Variants in KCNN2 observed in about 807,000 individuals in gnomAD.
The protein encoded by KCNN2 is small conductance calcium-activated potassium channel protein 2.
A neutral mutation model predicts 55.5 loss-of-function variants in KCNN2; 24 were observed. The observed-to-expected ratio is 0.43, with a 90% CI of 0.31 to 0.61. The LOEUF (loss-of-function observed/expected upper bound fraction) is 0.61. Ranked by LOEUF, KCNN2 falls within the 20% of genes least tolerant of loss-of-function variation. The pLI, the probability that KCNN2 is intolerant of heterozygous loss-of-function variation, is 0.08. For synonymous variants in KCNN2, 431 were observed against 336.1 expected, an observed-to-expected ratio of 1.28 and a Z score of -3.09; for missense variants, 754 against 853.6, an observed-to-expected ratio of 0.88 and a Z score of 1.45.
intron 2 of KCNN2, among the ~76,000 whole-genome samples, chr5:114,260,703 T>G (rs549635390): frequency 1.3e-5 from 2 of 152,352 alleles, no homozygotes; most frequent in Admixed American, 6.5e-5. Context: ...TCTCTTTTTC[T>G]GAGAACAATT....
chr5:114,292,034 G>T (rs1413017440), intron 2 of KCNN2, among the ~76,000 whole-genome samples: 1 of 148,490 alleles, frequency 6.7e-6, no homozygotes, highest in Admixed American at 6.6e-5. Flanking sequence ...TTTTTGATGG[G>T]GTTGTTTGTT....
chr5:114,318,207 A>G (rs553541727), intron 2 of KCNN2, among the ~76,000 whole-genome samples: 1 of 152,288 alleles, frequency 6.6e-6, no homozygotes, highest in South Asian at 2.1e-4. Flanking sequence ...AGGCAGGATA[A>G]TGCTGTGTTT....
At chr5:114,113,060 T>C (rs1360066259) in intron 1 of KCNN2, among the ~76,000 whole-genome samples, 1 of 152,086 alleles carries the variant, frequency 6.6e-6, no homozygotes, top group Non-Finnish European at 1.5e-5. Flanking sequence ...AGGAACCTCA[T>C]GGAACCATTG....
intron 2 of KCNN2, among the ~76,000 whole-genome samples, chr5:114,365,341 A>G (rs1757568939): frequency 6.6e-6 from 1 of 152,374 alleles, no homozygotes. Context: ...TTAACAGTTT[A>G]CATAGATTCA....
Position 114,218,813 on chromosome 5 carries a change from T to C in KCNN2, c.-270-2667T>C, listed in dbSNP as rs79318914. ...TGTGGGATGCTGAAATCGGGGAGGC[T>C]ATGCACATGTGGGGCTAGGTGTACA... On this transcript the variant is annotated intron_variant, in intron 1 of 10. Transcript: ENST00000512097. Among the ~76,000 whole-genome samples, 17 of 152,304 alleles carry C rather than the reference T, an allele frequency of 1.1e-4. No homozygotes were observed. The South Asian group carries it at 2.7e-3, about 24-fold the overall frequency.
At chr5:114,056,246 C>A in exon 1 of KCNN2, 1 of 396,638 alleles carries the variant, frequency 2.5e-6, no homozygotes, top group East Asian at 3.6e-5. Flanking sequence ...CTCTCTGCTC[C>A]CCGAAGCTGG....
At position 114,410,171 on chromosome 5, in the gene KCNN2, A is replaced by G. The variant is rs951078571; in HGVS notation, c.1637+5315A>G. On this transcript the variant is annotated intron_variant, in intron 3 of 7. Coordinates refer to ENST00000673685, the MANE Select transcript of KCNN2 (RefSeq NM_021614.4). Reference sequence around the variant, plus strand: ...ATTAGGAGAAATTTCAGGAACATTTATGTTTTAGAAGAAACCTGAAACTCA... The same window carrying G: ...ATTAGGAGAAATTTCAGGAACATTTGTGTTTTAGAAGAAACCTGAAACTCA... Among the ~76,000 whole-genome samples the G allele has an allele frequency of 3.9e-5, 6 of 152,338 alleles. No homozygotes were observed. The South Asian group carries it at 1.0e-3, about 26-fold the overall frequency.
chr5:114,262,185 T>C (rs1580670897), intron 2 of KCNN2, among the ~76,000 whole-genome samples: 1 of 152,232 alleles, frequency 6.6e-6, no homozygotes, highest in African/African-American at 2.4e-5. Context: ...CTAGTTTTCC[T>C]GAGTCAGCCT....
chr5:114,463,298 A>T, intron 4 of KCNN2, 108 bp downstream of exon 4: 1 of 816,012 alleles, frequency 1.2e-6, no homozygotes, highest in East Asian at 2.6e-5. Flanking sequence ...TCCCATCAGC[A>T]GGAAATCAGT....
intron 3 of KCNN2, among the ~76,000 whole-genome samples, chr5:114,428,128 T>C (rs1453189346): frequency 6.6e-6 from 1 of 152,220 alleles, no homozygotes; most frequent in Admixed American, 6.5e-5. Flanking sequence ...TGTTTATATC[T>C]TTCATATTTA....
rs1452509272 is a variant in KCNN2 at position 114,134,458 on chromosome 5, G to GATTGATTGATTT, written c.-271+77961_-271+77962insGATTGATTTATT. ...TACTTTAACTTTGCAATCCAACCAT[G>GATTGATTGATTT]ATTTATTTATTTATTTATTTATTTA... On this transcript the variant is annotated intron_variant, in intron 1 of 10. Coordinates refer to the KCNN2 transcript ENST00000512097. 2.8e-3 allele frequency among the ~76,000 whole-genome samples: 384 copies of GATTGATTGATTT among 137,398 alleles called. 2 individuals are homozygous for GATTGATTGATTT. The highest frequency in any genetic ancestry group is 4.8e-3 in the African/African-American group (173 of 35,950). The allele number at this position is 137,398 out of a possible 152,430, so 90.1% of individuals were successfully genotyped here. A position where few individuals can be genotyped will look rare whatever the true frequency, so the allele number is the denominator to read the frequency against.
At chr5:114,258,373 G>C (rs1311936997) in intron 2 of KCNN2, among the ~76,000 whole-genome samples, 1 of 152,092 alleles carries the variant, frequency 6.6e-6, no homozygotes, top group African/African-American at 2.4e-5. Context: ...GAGTTAGAAA[G>C]GATTCTATCC....
At chr5:114,233,443 C>G (rs1211118514) in intron 2 of KCNN2, among the ~76,000 whole-genome samples, 1 of 151,972 alleles carries the variant, frequency 6.6e-6, no homozygotes, top group Non-Finnish European at 1.5e-5. Context: ...CCTTGATTCA[C>G]AAAAAAGACA....
At chr5:114,472,048 T>C (rs907586382) in intron 4 of KCNN2, among the ~76,000 whole-genome samples, 3 of 152,202 alleles carry the variant, frequency 2.0e-5, no homozygotes, top group East Asian at 1.9e-4. Flanking sequence ...GCAATGTCTA[T>C]GGTTCTGTGG....
intron 2 of KCNN2, among the ~76,000 whole-genome samples, chr5:114,276,126 T>C (rs1444443719): frequency 1.3e-5 from 2 of 152,226 alleles, no homozygotes; most frequent in African/African-American, 2.4e-5. Context: ...AGTTTCCATG[T>C]AGTTGTGCAG....
At chr5:114,295,185 A>C (rs937899850) in intron 2 of KCNN2, among the ~76,000 whole-genome samples, 1 of 152,200 alleles carries the variant, frequency 6.6e-6, no homozygotes, top group Non-Finnish European at 1.5e-5. Context: ...GCCCATTCTC[A>C]GATCTCCAGC....
chr5:114,160,695 G>T (rs564359866), intron 1 of KCNN2, among the ~76,000 whole-genome samples: 1 of 152,148 alleles, frequency 6.6e-6, no homozygotes, highest in East Asian at 1.9e-4. Flanking sequence ...CTCCTGTATT[G>T]GGTGCATATA....
At chr5:114,333,447 G>A (rs1418957169) in intron 2 of KCNN2, among the ~76,000 whole-genome samples, 1 of 152,128 alleles carries the variant, frequency 6.6e-6, no homozygotes, top group East Asian at 1.9e-4. Flanking sequence ...ATCCTTTGCT[G>A]TTTTGAGGAA....
intron 2 of KCNN2, among the ~76,000 whole-genome samples, chr5:114,316,328 A>G (rs2150027763): frequency 6.6e-6 from 1 of 152,316 alleles, no homozygotes; most frequent in African/African-American, 2.4e-5. Flanking sequence ...TTAGAATCAA[A>G]GGTCACTGGA....
Sources: gnomAD v4.1 joint callset for allele counts (sites outside exome capture counted in the v4.1 genomes callset) on GRCh38, gnomAD v4.1.1 for gene constraint, MANE v1.5 for transcripts, NCBI Gene and HGNC (gene_info 2026-07-23, HGNC 2026-07-21) for gene names.